MYO1H: variants seen among roughly 807,000 people sequenced by gnomAD.
MYO1H encodes myosin IH.
Under a neutral mutation model 149.3 loss-of-function variants are expected in MYO1H, and 118 were observed. The observed-to-expected ratio is 0.79, with a 90% CI of 0.68 to 0.92. The LOEUF (loss-of-function observed/expected upper bound fraction) is 0.92. Among genes scored for constraint, MYO1H ranks in the 40% least tolerant of loss-of-function variants. The pLI is 0.00. For synonymous variants in MYO1H, 447 were observed against 465.2 expected, an observed-to-expected ratio of 0.96 and a Z score of 0.50; for missense variants, 1,212 against 1,280.7, an observed-to-expected ratio of 0.95 and a Z score of 0.82.
At chr12:109,420,903 C>CT in intron 15 of MYO1H, 78 bp from the exon 16 acceptor site, 1 of 786,200 alleles carries the variant, frequency 1.3e-6, no homozygotes, top group Non-Finnish European at 2.2e-6. Context: ...CAGAATTTCC[C>CT]TTTGCAATGA....
the MYO1H span, among the ~76,000 whole-genome samples, chr12:109,327,140 T>C: frequency 2.2e-5 from 3 of 136,570 alleles, no homozygotes; most frequent in South Asian, 2.4e-4. Context: ...TTTTCTTTTT[T>C]TTTTTTTTTT....
the MYO1H span, among the ~76,000 whole-genome samples, chr12:109,331,836 C>T: frequency 6.6e-6 from 1 of 152,172 alleles, no homozygotes; most frequent in African/African-American, 2.4e-5. Context: ...AATGCTTTTG[C>T]ATTTAGTGCA....
At chr12:109,323,559 C>G in the MYO1H span, among the ~76,000 whole-genome samples, 101 of 152,290 alleles carry the variant, frequency 6.6e-4, no homozygotes, top group Non-Finnish European at 1.1e-3. Flanking sequence ...AAAGCAGATT[C>G]TGTTTCAGTT....
the MYO1H span, among the ~76,000 whole-genome samples, chr12:109,313,859 T>C: frequency 6.6e-6 from 1 of 152,150 alleles, no homozygotes; most frequent in Non-Finnish European, 1.5e-5. Flanking sequence ...GGCATTCCTT[T>C]ATGAAAAGTG....
At chr12:109,368,879 G>A (rs761227795) in intron 1 of MYO1H, among the ~76,000 whole-genome samples, 5 of 151,724 alleles carry the variant, frequency 3.3e-5, no homozygotes, top group Non-Finnish European at 7.4e-5. Context: ...AGTACCCAGC[G>A]TTTAGCTCCC....
intron 17 of MYO1H, 122 bp from the exon 18 acceptor site, chr12:109,425,824 A>G (rs1031507573): frequency 6.9e-6 from 5 of 723,234 alleles, no homozygotes; most frequent in South Asian, 5.0e-5. Context: ...TAGGAAGACA[A>G]TCTGTCAATA....
At chr12:109,328,742 A>C in the MYO1H span, among the ~76,000 whole-genome samples, 3 of 152,336 alleles carry the variant, frequency 2.0e-5, no homozygotes, top group South Asian at 4.1e-4. Context: ...ATTTTCGCTA[A>C]ATATTGTATC....
At chr12:109,311,615 G>T in the MYO1H span, among the ~76,000 whole-genome samples, 1 of 152,224 alleles carries the variant, frequency 6.6e-6, no homozygotes, top group Non-Finnish European at 1.5e-5. Context: ...TGTACTAGGT[G>T]ATGCTTTCAC....
the MYO1H span, among the ~76,000 whole-genome samples, chr12:109,326,546 G>A: frequency 7.3e-6 from 1 of 136,316 alleles, no homozygotes; most frequent in Non-Finnish European, 1.6e-5. Context: ...TTTTGAGACA[G>A]CATCTCACTC....
At chr12:109,411,581 A>AT (rs1178203245) in intron 13 of MYO1H, among the ~76,000 whole-genome samples, 1 of 152,208 alleles carries the variant, frequency 6.6e-6, no homozygotes, top group African/African-American at 2.4e-5. Flanking sequence ...ATGGTCAGTG[A>AT]TGACTGGTTT....
At chr12:109,335,115 AAT>A in the MYO1H span, among the ~76,000 whole-genome samples, 2 of 152,156 alleles carry the variant, frequency 1.3e-5, no homozygotes, top group African/African-American at 4.8e-5. Context: ...ATGGCTGTAT[AAT>A]AGTCTATTAT....
intron 27 of MYO1H, among the ~76,000 whole-genome samples, chr12:109,443,264 ATATG>A (rs201325447): frequency 1.1e-4 from 7 of 61,724 alleles, no homozygotes; most frequent in Non-Finnish European, 2.1e-4. Flanking sequence ...ATGTGTACGT[ATATG>A]TGTGTGTATA....
chr12:109,336,696 T>A, the MYO1H span, among the ~76,000 whole-genome samples: 1 of 152,214 alleles, frequency 6.6e-6, no homozygotes, highest in Non-Finnish European at 1.5e-5. Flanking sequence ...AGTTAGTTAG[T>A]TAATTCCTGA....
At chr12:109,443,811 G>A in intron 28 of MYO1H, 162 bp downstream of exon 28, 1 of 743,702 alleles carries the variant, frequency 1.3e-6, no homozygotes, top group Non-Finnish European at 2.2e-6. Context: ...GCTGAGGCAG[G>A]AGGATCACTT....
chr12:109,422,876 C>T (rs1871233048), intron 16 of MYO1H, among the ~76,000 whole-genome samples: 2 of 151,726 alleles, frequency 1.3e-5, no homozygotes, highest in African/African-American at 4.8e-5. Flanking sequence ...GAGCTTGAAC[C>T]CAGCCTGGAC....
At chr12:109,388,807 A>G in exon 2 of MYO1H, 1 of 1,613,284 alleles carries the variant, frequency 6.2e-7, no homozygotes, top group South Asian at 1.1e-5. Flanking sequence ...GCCTTTGTCG[A>G]CAACCTCCGC....
the MYO1H span, among the ~76,000 whole-genome samples, chr12:109,312,483 C>T: frequency 6.6e-6 from 1 of 152,192 alleles, no homozygotes; most frequent in Non-Finnish European, 1.5e-5. Context: ...GATCTGCCCG[C>T]CTCAGTCTCC....
At chr12:109,444,432 G>C in exon 30 of MYO1H, 1 of 1,613,568 alleles carries the variant, frequency 6.2e-7, no homozygotes, top group Non-Finnish European at 8.5e-7. Flanking sequence ...CCCACCCCAG[G>C]GGGATGCCGT....
At chr12:109,406,469 A>C (rs1870396410) in intron 8 of MYO1H, among the ~76,000 whole-genome samples, 1 of 1,346 alleles carries the variant, frequency 7.4e-4, no homozygotes, top group Non-Finnish European at 1.6e-3. Context: ...CTATCTCTTA[A>C]AAAAAAAAAA....
Sources: allele counts gnomAD v4.1 joint callset (sites outside exome capture counted in the v4.1 genomes callset), GRCh38; gene constraint gnomAD v4.1.1; transcripts MANE v1.5; gene names NCBI Gene and HGNC (gene_info 2026-07-23, HGNC 2026-07-21).